The following FCHSD2 variants were observed in gnomAD, a reference collection of about 807,000 sequenced individuals.
FCHSD2 encodes the protein FCH and double SH3 domains 2, also known as F-BAR and double SH3 domains protein 2.
A neutral mutation model predicts 108.1 loss-of-function variants in FCHSD2; 38 were observed. That is an observed-to-expected ratio of 0.35 (90% CI 0.27 to 0.46). The LOEUF (loss-of-function observed/expected upper bound fraction) is 0.46. Ranked by LOEUF, FCHSD2 falls within the 20% of genes least tolerant of loss-of-function variation. FCHSD2 has a pLI of 1.00. For synonymous variants in FCHSD2, 279 were observed against 314.7 expected (o/e 0.89, Z 1.20); for missense variants, 751 against 897.8 (o/e 0.84, Z 2.09).
intron 9 of FCHSD2, among the ~76,000 whole-genome samples, chr11:72,914,537 A>G (rs1372291754): frequency 6.6e-6 from 1 of 152,190 alleles, no homozygotes; most frequent in East Asian, 1.9e-4. Context: ...AGTACAACAG[A>G]CACATAGACC....
chr11:72,935,751 GGTT>G (rs1228096674), intron 8 of FCHSD2, among the ~76,000 whole-genome samples: 3 of 152,058 alleles, frequency 2.0e-5, no homozygotes, highest in African/African-American at 7.2e-5. Context: ...TTTTTTATGT[GGTT>G]GTTTTATTTA....
chr11:73,077,747 G>A (rs567709290), intron 3 of FCHSD2: 5 of 296,614 alleles, frequency 1.7e-5, no homozygotes, highest in Admixed American at 1.5e-4. Context: ...GCTAAATGAA[G>A]AAGCCAGCTG....
At chr11:73,059,716 CTTTCTTTTTT>C (rs1342696655) in intron 3 of FCHSD2, among the ~76,000 whole-genome samples, 1 of 151,458 alleles carries the variant, frequency 6.6e-6, no homozygotes, top group Non-Finnish European at 1.5e-5. Context: ...GTGAGGTTTT[CTTTCTTTTTT>C]TTTCTTTTTT....
chr11:73,064,833 A>C (rs1246613417), intron 3 of FCHSD2, among the ~76,000 whole-genome samples: 1 of 152,198 alleles, frequency 6.6e-6, no homozygotes, highest in Non-Finnish European at 1.5e-5. Flanking sequence ...TGAATAAACC[A>C]ATAACAAGTT....
chr11:72,841,323 G>A, intron 18 of FCHSD2, 131 bp downstream of exon 18: 1 of 920,760 alleles, frequency 1.1e-6, no homozygotes, highest in Non-Finnish European at 1.5e-6. Context: ...CAGCCCAGGT[G>A]ACAGAGACTC....
intron 8 of FCHSD2, among the ~76,000 whole-genome samples, chr11:72,950,982 T>A (rs1286466743): frequency 6.6e-6 from 1 of 152,200 alleles, no homozygotes; most frequent in Non-Finnish European, 1.5e-5. Context: ...AGAATAGGTG[T>A]GTCTTCTCCA....
At chr11:73,132,897 CAT>C (rs1165999239) in intron 2 of FCHSD2, among the ~76,000 whole-genome samples, 8 of 149,468 alleles carry the variant, frequency 5.4e-5, no homozygotes, top group African/African-American at 2.0e-4. Flanking sequence ...ATTTGCAAAT[CAT>C]ATATGTTATA....
chr11:73,084,288 A>G (rs1481455729), intron 2 of FCHSD2, among the ~76,000 whole-genome samples: 1 of 152,226 alleles, frequency 6.6e-6, no homozygotes, highest in Non-Finnish European at 1.5e-5. Flanking sequence ...TTTTATAAGC[A>G]TTACAAAACA....
Position 72,942,703 on chromosome 11 carries a change from T to C in FCHSD2, c.706-20753A>G, listed in dbSNP as rs55702223. 1.8e-3 allele frequency among the ~76,000 whole-genome samples: 274 copies of C among 152,356 alleles called. 4 individuals carry two copies. Among genetic ancestry groups the C allele is most frequent in the African/African-American group, 6.3e-3 (261 of 41,586 alleles). On this transcript the variant is annotated intron_variant, in intron 8 of 19. Coordinates refer to ENST00000409418, the MANE Select transcript of FCHSD2 (RefSeq NM_014824.3). ...TTAAAAAGTATTGACAAACATGCTATAGAATGTTATGGTATATGCTATGCT... is the reference window on the plus strand; with the variant it reads ...TTAAAAAGTATTGACAAACATGCTACAGAATGTTATGGTATATGCTATGCT...
intron 2 of FCHSD2, among the ~76,000 whole-genome samples, chr11:73,096,987 A>ATTTTTTTTTGTTTTTT (rs1860097472): frequency 3.7e-5 from 1 of 27,020 alleles, no homozygotes; most frequent in African/African-American, 2.0e-4. Context: ...TCATTGATGG[A>ATTTTTTTTTGTTTTTT]TTTTTTTTTT....
At chr11:72,959,218 G>GTTTT (rs1565342294) in intron 8 of FCHSD2, among the ~76,000 whole-genome samples, 20 of 61,532 alleles carry the variant, frequency 3.3e-4, no homozygotes, top group East Asian at 7.1e-4. Flanking sequence ...ATATCCAGCA[G>GTTTT]TCTTTTTTTT....
chr11:73,026,710 T>C (rs572422383), intron 3 of FCHSD2, among the ~76,000 whole-genome samples: 38 of 152,252 alleles, frequency 2.5e-4, no homozygotes, highest in African/African-American at 7.7e-4. Context: ...AATCTCATCT[T>C]GAATTGTAAT....
At chr11:73,041,989 C>T (rs763464274) in intron 3 of FCHSD2, among the ~76,000 whole-genome samples, 21 of 152,224 alleles carry the variant, frequency 1.4e-4, no homozygotes, top group African/African-American at 2.4e-4. Context: ...TGCAGTGGCG[C>T]GATCTCAGCT....
At chr11:72,872,886 C>T (rs953357099) in intron 12 of FCHSD2, among the ~76,000 whole-genome samples, 3 of 152,136 alleles carry the variant, frequency 2.0e-5, no homozygotes, top group Non-Finnish European at 4.4e-5. Context: ...TTCAACGTGG[C>T]TTTATCATTT....
intron 8 of FCHSD2, among the ~76,000 whole-genome samples, chr11:72,961,560 A>G (rs529565771): frequency 2.6e-5 from 4 of 152,112 alleles, no homozygotes; most frequent in Admixed American, 6.5e-5. Context: ...CTGGCCTACT[A>G]TTGTTTTAAA....
intron 12 of FCHSD2, among the ~76,000 whole-genome samples, chr11:72,880,614 A>C (rs1030447702): frequency 8.5e-5 from 13 of 152,132 alleles, no homozygotes; most frequent in Admixed American, 6.6e-4. Flanking sequence ...TAAAGACTTT[A>C]AAAATAAACC....
chr11:73,034,743 T>C (rs141759129), intron 3 of FCHSD2, among the ~76,000 whole-genome samples: 1 of 152,350 alleles, frequency 6.6e-6, no homozygotes, highest in Non-Finnish European at 1.5e-5. Context: ...AATTTTAAAG[T>C]AAAAGTAAAT....
At chr11:73,086,001 A>G (rs1859805762) in intron 2 of FCHSD2, among the ~76,000 whole-genome samples, 1 of 152,252 alleles carries the variant, frequency 6.6e-6, no homozygotes, top group Admixed American at 6.5e-5. Context: ...AGATGTTCAA[A>G]GAATTAAAGG....
intron 9 of FCHSD2, among the ~76,000 whole-genome samples, chr11:72,914,404 T>C (rs1334544271): frequency 6.6e-6 from 1 of 152,180 alleles, no homozygotes. Context: ...TTAAAATTCA[T>C]ATGAAACCAA....
Sources: allele counts gnomAD v4.1 joint callset (sites outside exome capture counted in the v4.1 genomes callset), GRCh38; gene constraint gnomAD v4.1.1; transcripts MANE v1.5; gene names NCBI Gene and HGNC (gene_info 2026-07-23, HGNC 2026-07-21).